Variants in PALB2 observed in about 807,000 individuals in gnomAD.
The protein encoded by PALB2 is partner and localizer of BRCA2.
A neutral mutation model predicts 107.4 loss-of-function variants in PALB2; 82 were observed. That is an observed-to-expected ratio of 0.76 (90% confidence interval 0.64 to 0.92). PALB2 has a LOEUF of 0.92. Ranked by LOEUF, PALB2 falls within the 40% of genes least tolerant of loss-of-function variation. PALB2 has a pLI of 0.00. For missense variants in PALB2, 1,374 were observed against 1,379.9 expected, an observed-to-expected ratio of 1.00 and a Z score of 0.07; for synonymous variants, 489 against 496.8, an observed-to-expected ratio of 0.98 and a Z score of 0.21.
At chr16:23,609,536 G>A (rs780818599) in intron 11 of PALB2, among the ~76,000 whole-genome samples, 72 of 150,184 alleles carry the variant, frequency 4.8e-4, no homozygotes, top group Non-Finnish European at 3.6e-4. Flanking sequence ...TTTTTTTTTT[G>A]AGACAGAGTC....
Position 23,641,169 on chromosome 16 carries a change from C to A in PALB2, c.-12G>T. 1 of 1,612,342 alleles carries A rather than the reference C, an allele frequency of 6.2e-7. No individual in the cohort carries two copies. The highest frequency in any genetic ancestry group is 8.5e-7 in the Non-Finnish European group (1 of 1,179,666). On this transcript the variant is annotated 5_prime_UTR_variant, in exon 1 of 13. Coordinates refer to ENST00000261584, the MANE Select transcript of PALB2 (RefSeq NM_024675.4). ...GGAGGCTCGTCCATCGGGCAGGCGA[C>A]AGAACGAAAAGAGCAGCCGTCGCCG...
At chr16:23,640,824 G>T in intron 1 of PALB2, 2 of 383,462 alleles carry the variant, frequency 5.2e-6, no homozygotes, top group South Asian at 5.3e-5. Context: ...TAAAGATTGA[G>T]GGTGTGGGAG....
chr16:23,640,638 C>A, intron 1 of PALB2: 1 of 237,538 alleles, frequency 4.2e-6, no homozygotes, highest in Non-Finnish European at 8.3e-6. Flanking sequence ...TAAACGGAAC[C>A]TGCAGAACCA....
chr16:23,611,498 A>G (rs1034147158), intron 11 of PALB2, among the ~76,000 whole-genome samples: 2 of 149,424 alleles, frequency 1.3e-5, no homozygotes, highest in African/African-American at 4.9e-5. Context: ...TGCTCTTGTC[A>G]CTCAGGCTGG....
chr16:23,634,746 G>A (rs1199231057), intron 4 of PALB2, 116 bp downstream of exon 4: 3 of 1,400,762 alleles, frequency 2.1e-6, no homozygotes, highest in Non-Finnish European at 2.9e-6. Flanking sequence ...ACAGACGTAA[G>A]CCACCACACT....
chr16:23,624,249 A>G, intron 7 of PALB2, 155 bp from the exon 8 acceptor site: 2 of 650,762 alleles, frequency 3.1e-6, no homozygotes, highest in Non-Finnish European at 5.5e-6. Flanking sequence ...TTAGCTGTAA[A>G]TCTAAATAAA....
intron 7 of PALB2, 137 bp downstream of exon 7, chr16:23,626,099 A>G (rs1966842040): frequency 9.9e-7 from 1 of 1,010,524 alleles, no homozygotes; most frequent in Non-Finnish European, 1.5e-6. Context: ...GAAACTTTTC[A>G]TAATAAAATG....
intron 12 of PALB2, among the ~76,000 whole-genome samples, chr16:23,606,594 C>T (rs1054553831): frequency 2.6e-5 from 4 of 152,138 alleles, no homozygotes; most frequent in African/African-American, 9.7e-5. Context: ...GGTACAATCT[C>T]GGCTCACTGC....
rs1966968128 is a variant in PALB2, at chr16:23,635,110, T to G, written c.1436A>C (p.Gln479Pro). 6.2e-7 allele frequency: 1 copy of G among 1,614,226 alleles called. No individual in the cohort carries two copies. Among genetic ancestry groups the G allele is most frequent in the East Asian group, 2.2e-5 (1 of 44,884 alleles). ...CTGQPSSRTSQKLLSLTKVSS... is the reference protein window; with the variant it reads ...CTGQPSSRTSPKLLSLTKVSS... ...GACTTTAGTTAATGAGAGAAGTTTC[T>G]GAGAGGTTCTTGAACTTGGTTGTCC... is the stretch of plus-strand genomic sequence containing the variant. The change falls in exon 4 of 13, where the codon CAG (glutamine) becomes CCG (proline). Residue 479 changes from glutamine to proline, a missense_variant. By Grantham distance (76) the Gln-to-Pro change is moderately conservative (BLOSUM62 -1). Coordinates refer to ENST00000261584, the MANE Select transcript of PALB2 (RefSeq NM_024675.4).
rs1429614859 is a variant in PALB2 at position 23,636,184 on chromosome 16, G to A, written c.362C>T (p.Thr121Ile). The A allele has an allele frequency of 6.2e-7, 1 of 1,613,056 alleles. No individual in the cohort carries two copies. The highest frequency in any genetic ancestry group is 8.5e-7 in the Non-Finnish European group (1 of 1,179,800). ...GGGAAAATGTTCTTGGGTGTCATCT[G>A]TTCTTTGTATAGGTAATCCTCCTGG... The part of the protein sequence containing the change: ...DGPGGLPIQR[T>I]DDTQEHFPHR... Residue 121 changes from threonine (T) to isoleucine (I), a missense_variant, in exon 4 of 13, where the codon ACA becomes ATA. Transcript: ENST00000261584.
At chr16:23,637,724 A>G (rs894403535) in intron 3 of PALB2, 126 bp downstream of exon 3, 1 of 728,742 alleles carries the variant, frequency 1.4e-6, no homozygotes, top group Admixed American at 2.6e-5. Context: ...TAAAATTAAA[A>G]TTAAAATTAA....
chr16:23,611,466 A>ATT lies in PALB2; in HGVS notation c.3201+2536_3201+2537dup, dbSNP rs35421265. On this transcript the variant is annotated intron_variant, in intron 11 of 12. Coordinates refer to ENST00000261584, the MANE Select transcript of PALB2 (RefSeq NM_024675.4). ...CAGCCTAGTTATTATTATTATTATT[A>ATT]TTTTTTTTTGAGATGGAGTTTTGCT... Among the ~76,000 whole-genome samples, 838 of 146,322 alleles carry ATT rather than the reference A, an allele frequency of 5.7e-3. 7 individuals are homozygous for ATT. The highest frequency in any genetic ancestry group is 0.015 in the African/African-American group (579 of 39,772).
intron 10 of PALB2, among the ~76,000 whole-genome samples, chr16:23,615,492 A>G (rs1404107875): frequency 6.7e-6 from 1 of 149,458 alleles, no homozygotes; most frequent in Non-Finnish European, 1.5e-5. Context: ...TTTTGTAGAG[A>G]CAGGGTTTCA....
chr16:23,626,441 T>G lies in PALB2; in HGVS notation c.2587-44A>C, dbSNP rs144656423. On this transcript the variant is annotated intron_variant, in intron 6 of 12. Coordinates refer to ENST00000261584, the MANE Select transcript of PALB2 (RefSeq NM_024675.4). ...TTCTGTTAAAGTGGCACTCGAGTGCTGTTTTATGCAAAGCATAAGTATGCA... is the reference window on the plus strand; with the variant it reads ...TTCTGTTAAAGTGGCACTCGAGTGCGGTTTTATGCAAAGCATAAGTATGCA... 7.0e-5 allele frequency: 112 copies of G among 1,607,566 alleles called. 1 individual carries two copies. In the East Asian group the frequency reaches 1.2e-3, roughly 17 times the overall value.
At chr16:23,603,722 A>T (rs1334106971) in intron 12 of PALB2, 53 bp from the exon 13 acceptor site, 4 of 269,234 alleles carry the variant, frequency 1.5e-5, no homozygotes, top group South Asian at 9.6e-5. Flanking sequence ...AAAAACAATT[A>T]AAAAAAAAAA....
intron 3 of PALB2, 85 bp downstream of exon 3, chr16:23,637,765 T>C: frequency 9.9e-7 from 1 of 1,015,216 alleles, no homozygotes; most frequent in Non-Finnish European, 1.6e-6. Flanking sequence ...GTCATTATCT[T>C]CACACTGTGG....
chr16:23,621,222 A>G, intron 10 of PALB2, 140 bp downstream of exon 10: 1 of 706,890 alleles, frequency 1.4e-6, no homozygotes. Context: ...AACACAACAA[A>G]AACAACAACA....
Position 23,623,005 on chromosome 16 carries a change from T to C in PALB2, c.2960A>G (p.Gln987Arg), listed in dbSNP as rs762437762. ...LVSSSGTLSD[Q>R]QVEVMTFAED... ...TGCAAACGTCATGACTTCTACTTGTTGATCAGAAAGGGTCCCACTGCTACT... is the reference window on the plus strand; with the variant it reads ...TGCAAACGTCATGACTTCTACTTGTCGATCAGAAAGGGTCCCACTGCTACT... The change falls in exon 9 of 13, where the codon CAA becomes CGA. Residue 987 changes from glutamine (Q) to arginine (R), a missense_variant. Physicochemically the swap from Gln to Arg is conservative, Grantham distance 43. Coordinates refer to ENST00000261584, the MANE Select transcript of PALB2 (RefSeq NM_024675.4). 2 of 1,614,194 alleles carry C rather than the reference T, an allele frequency of 1.2e-6. No homozygotes were observed. The highest frequency in any genetic ancestry group is 1.7e-6 in the Non-Finnish European group (2 of 1,180,042).
rs541653049 is a variant in PALB2 at position 23,633,969 on chromosome 16, G to A, written c.1684+893C>T. On this transcript the variant is annotated intron_variant, in intron 4 of 12. Transcript: ENST00000261584. Reference sequence around the variant, plus strand: ...AGCAATCCTCCCACCTTGGCCTCCCGAAGTGCTGGGATTACAGGGGTGAGC... The same window carrying A: ...AGCAATCCTCCCACCTTGGCCTCCCAAAGTGCTGGGATTACAGGGGTGAGC... 1.8e-3 allele frequency among the ~76,000 whole-genome samples: 269 copies of A among 152,044 alleles called. 1 individual carries two copies. Among genetic ancestry groups the A allele is most frequent in the African/African-American group, 5.3e-3 (221 of 41,476 alleles).
Sources: gnomAD v4.1 joint callset for allele counts (sites outside exome capture counted in the v4.1 genomes callset) on GRCh38, gnomAD v4.1.1 for gene constraint, MANE v1.5 for transcripts, NCBI Gene and HGNC (gene_info 2026-07-23, HGNC 2026-07-21) for gene names.